Variants in B3GAT2 observed in about 807,000 individuals in gnomAD.
B3GAT2 encodes beta-1,3-glucuronyltransferase 2, also known as galactosylgalactosylxylosylprotein 3-beta-glucuronosyltransferase 2.
Under a neutral mutation model 27.8 loss-of-function variants are expected in B3GAT2, and 26 were observed. The observed-to-expected ratio is 0.93, with a 90% CI of 0.68 to 1.30. The LOEUF (loss-of-function observed/expected upper bound fraction) is 1.30. Ranked by LOEUF, B3GAT2 falls within the 50% of genes most tolerant of loss-of-function variation. The pLI, the probability that B3GAT2 is intolerant of heterozygous loss-of-function variation, is 0.00. For missense variants in B3GAT2, 458 were observed against 459.0 expected, an observed-to-expected ratio of 1.00 and a Z score of 0.02; for synonymous variants, 218 against 195.1, an observed-to-expected ratio of 1.12 and a Z score of -0.98.
Position 70,860,818 on chromosome 6 carries a change from T to G in B3GAT2, c.*845A>C, listed in dbSNP as rs1242535371. On this transcript the variant is annotated 3_prime_UTR_variant, in exon 4 of 4. Coordinates refer to ENST00000230053, the MANE Select transcript of B3GAT2 (RefSeq NM_080742.3). ...TCTAGTGTATCAAAATGCTCTTATTTCATCATTCACTTCACTGTGCTGTTG... is the reference window on the plus strand; with the variant it reads ...TCTAGTGTATCAAAATGCTCTTATTGCATCATTCACTTCACTGTGCTGTTG... The G allele has an allele frequency of 2.5e-6, 1 of 397,326 alleles. No individual in the cohort carries two copies. The highest frequency in any genetic ancestry group is 4.4e-6 in the Non-Finnish European group (1 of 225,110). The allele number at this position is 397,326 out of a possible 1,614,324, so 24.6% of individuals were successfully genotyped here.
At position 70,860,867 on chromosome 6, in the gene B3GAT2, G is replaced by GT. The variant is rs1239117002; in HGVS notation, c.*795dup. ...TGTTATGATGTGCTTAACAGGGAAC[G>GT]TGATTAGTGAAAGGAAGATAAACGT... On this transcript the variant is annotated 3_prime_UTR_variant, in exon 4 of 4. Transcript: ENST00000230053. 8 of 393,494 alleles carry GT rather than the reference G, an allele frequency of 2.0e-5. No individual in the cohort carries two copies. Among genetic ancestry groups the GT allele is most frequent in the Non-Finnish European group, 3.1e-5 (7 of 222,964 alleles). 24.4% of individuals were successfully genotyped at this position (393,494 alleles called of 1,614,324 possible).
intron 2 of B3GAT2, among the ~76,000 whole-genome samples, chr6:70,892,449 A>C (rs970586021): frequency 2.0e-5 from 3 of 152,228 alleles, no homozygotes; most frequent in African/African-American, 7.2e-5. Flanking sequence ...ATGCAAGGAA[A>C]TGGGCAGACA....
At chr6:70,953,558 A>G (rs1012396859) in intron 1 of B3GAT2, among the ~76,000 whole-genome samples, 4 of 152,218 alleles carry the variant, frequency 2.6e-5, no homozygotes, top group Non-Finnish European at 5.9e-5. Flanking sequence ...CTAGTCATAA[A>G]ATTACTGTCT....
At chr6:70,903,571 T>G (rs746646547) in intron 1 of B3GAT2, among the ~76,000 whole-genome samples, 43 of 152,118 alleles carry the variant, frequency 2.8e-4, no homozygotes, top group Non-Finnish European at 5.7e-4. Flanking sequence ...CATCAAGATA[T>G]ATGAATGACC....
At chr6:70,896,468 TCAC>T (rs748263301) in intron 1 of B3GAT2, among the ~76,000 whole-genome samples, 2 of 152,198 alleles carry the variant, frequency 1.3e-5, no homozygotes, top group African/African-American at 2.4e-5. Context: ...CATGAAGCCA[TCAC>T]CACAATGAAT....
intron 1 of B3GAT2, among the ~76,000 whole-genome samples, chr6:70,938,837 G>T (rs1765339680): frequency 6.6e-6 from 1 of 151,786 alleles, no homozygotes; most frequent in Non-Finnish European, 1.5e-5. Context: ...ACATAGGCAT[G>T]GGCAAGGACT....
chr6:70,926,877 G>T lies in B3GAT2; in HGVS notation c.591+28962C>A, dbSNP rs563776282. The stretch of plus-strand genomic sequence containing the variant: ...GGAATCCCAAGACACATAATTGTCA[G>T]ATTCACCAAGGTTGAAATGAAGGAA... On this transcript the variant is annotated intron_variant, in intron 1 of 3. Transcript: ENST00000230053. Among the ~76,000 whole-genome samples the T allele has an allele frequency of 7.2e-4, 110 of 152,292 alleles. 1 individual carries two copies. The South Asian group carries it at 0.022, about 30-fold the overall frequency.
At chr6:70,946,881 C>T (rs1402804311) in intron 1 of B3GAT2, among the ~76,000 whole-genome samples, 1 of 152,020 alleles carries the variant, frequency 6.6e-6, no homozygotes, top group African/African-American at 2.4e-5. Flanking sequence ...AACAAACTGT[C>T]TCTCAGACCA....
At chr6:70,918,464 C>T (rs1260777961) in intron 1 of B3GAT2, among the ~76,000 whole-genome samples, 2 of 152,212 alleles carry the variant, frequency 1.3e-5, no homozygotes, top group Non-Finnish European at 1.5e-5. Context: ...TTTTGCCCAT[C>T]AATTGATGCA....
intron 1 of B3GAT2, among the ~76,000 whole-genome samples, chr6:70,908,142 T>A (rs1772630967): frequency 6.6e-6 from 1 of 152,206 alleles, no homozygotes; most frequent in Non-Finnish European, 1.5e-5. Context: ...CAGGGAGAAG[T>A]GCAGCATGAT....
chr6:70,888,059 T>G (rs1164376992), intron 2 of B3GAT2, among the ~76,000 whole-genome samples: 1 of 152,088 alleles, frequency 6.6e-6, no homozygotes, highest in Non-Finnish European at 1.5e-5. Flanking sequence ...CCTGAAAGAT[T>G]CCTCCTGCTT....
At chr6:70,876,997 A>G (rs1772024775) in intron 2 of B3GAT2, among the ~76,000 whole-genome samples, 1 of 152,218 alleles carries the variant, frequency 6.6e-6, no homozygotes, top group Non-Finnish European at 1.5e-5. Context: ...GCCAAGTCTT[A>G]GGCTGGAGCA....
intron 1 of B3GAT2, among the ~76,000 whole-genome samples, chr6:70,939,321 T>C (rs1259861921): frequency 1.5e-5 from 2 of 137,778 alleles, no homozygotes; most frequent in East Asian, 2.1e-4. Flanking sequence ...AGTAAAACCA[T>C]TGTGGAAGTC....
Position 70,860,459 on chromosome 6 carries a change from A to C in B3GAT2, c.*1204T>G. The C allele has an allele frequency of 8.6e-7, 1 of 1,164,848 alleles. No homozygotes were observed. Among genetic ancestry groups the C allele is most frequent in the African/African-American group, 1.6e-5 (1 of 64,334 alleles). The allele number at this position is 1,164,848 out of a possible 1,614,324, so 72.2% of individuals were successfully genotyped here. A position where few individuals can be genotyped will look rare whatever the true frequency, so the allele number is the denominator to read the frequency against. ...TACCCATTTGTTCATATTAAGAATG[A>C]TCTGATTGACCGTGTTGGTCTGTAC... On this transcript the variant is annotated 3_prime_UTR_variant, in exon 4 of 4. Coordinates refer to ENST00000230053, the MANE Select transcript of B3GAT2 (RefSeq NM_080742.3).
At chr6:70,891,179 A>G (rs1772282376) in intron 2 of B3GAT2, among the ~76,000 whole-genome samples, 2 of 152,202 alleles carry the variant, frequency 1.3e-5, no homozygotes, top group African/African-American at 2.4e-5. Flanking sequence ...GGCACAGAAC[A>G]GTAGAAACCC....
chr6:70,902,617 G>GATATATATATATATATATATATAT lies in B3GAT2; in HGVS notation c.592-8346_592-8345insATATATATATATATATATATATAT, dbSNP rs61150776. Among the ~76,000 whole-genome samples the GATATATATATATATATATATATAT allele has an allele frequency of 1.0e-4, 13 of 125,276 alleles. No individual in the cohort carries two copies. The East Asian group carries it at 2.3e-3, about 22-fold the overall frequency. The allele number at this position is 125,276 out of a possible 152,430, so 82.2% of individuals were successfully genotyped here. ...ACAGATGAATGGATTAAGAAAATGG[G>GATATATATATATATATATATATAT]ATATATATATATATATATATACACA... On this transcript the variant is annotated intron_variant, in intron 1 of 3. Coordinates refer to ENST00000230053, the MANE Select transcript of B3GAT2 (RefSeq NM_080742.3).
chr6:70,954,638 C>T (rs1765621676), intron 1 of B3GAT2, among the ~76,000 whole-genome samples: 4 of 152,140 alleles, frequency 2.6e-5, no homozygotes, highest in Admixed American at 6.5e-5. Flanking sequence ...CCAACTCACA[C>T]ATAGTATTTT....
chr6:70,933,266 A>T (rs1419229956), intron 1 of B3GAT2, among the ~76,000 whole-genome samples: 1 of 152,164 alleles, frequency 6.6e-6, no homozygotes, highest in Non-Finnish European at 1.5e-5. Context: ...TTGTTTTTTA[A>T]ATCCTAAAAC....
chr6:70,902,635 TATAC>T lies in B3GAT2; in HGVS notation c.592-8367_592-8364del, dbSNP rs1414875084. On this transcript the variant is annotated intron_variant, in intron 1 of 3. Coordinates refer to ENST00000230053, the MANE Select transcript of B3GAT2 (RefSeq NM_080742.3). ...AAAATGGGATATATATATATATATA[TATAC>T]ACACACACACACACACACACACACA... 1.5e-3 allele frequency among the ~76,000 whole-genome samples: 219 copies of T among 143,240 alleles called. 1 individual carries two copies. The highest frequency in any genetic ancestry group is 2.6e-3 in the Non-Finnish European group (170 of 65,618). 94.0% of individuals were successfully genotyped at this position (143,240 alleles called of 152,430 possible).
Sources: allele counts gnomAD v4.1 joint callset (sites outside exome capture counted in the v4.1 genomes callset), GRCh38; gene constraint gnomAD v4.1.1; transcripts MANE v1.5; gene names NCBI Gene and HGNC (gene_info 2026-07-23, HGNC 2026-07-21).